The following SP140 variants were observed in gnomAD, a reference collection of about 807,000 sequenced individuals.
SP140 encodes the protein SP140 nuclear body protein, also known as nuclear body protein SP140.
In SP140, 81 loss-of-function variants were observed where a neutral mutation model predicts 125.0. The observed-to-expected ratio is 0.65, with a 90% CI of 0.54 to 0.78. The LOEUF (loss-of-function observed/expected upper bound fraction) is 0.78. Ranked by LOEUF, SP140 falls within the 30% of genes least tolerant of loss-of-function variation. The pLI, the probability that SP140 is intolerant of heterozygous loss-of-function variation, is 0.00. For missense variants in SP140, 858 were observed against 1,037.0 expected (o/e 0.83, Z 2.37); for synonymous variants, 312 against 354.0 (o/e 0.88, Z 1.33).
intron 1 of SP140, among the ~76,000 whole-genome samples, chr2:230,203,955 C>A (rs1424743463): frequency 6.6e-6 from 1 of 152,020 alleles, no homozygotes; most frequent in African/African-American, 2.4e-5. Context: ...ATTTTAATAC[C>A]ATTGAGCTAT....
At chr2:230,253,532 T>C in intron 11 of SP140, 115 bp downstream of exon 11, 1 of 746,544 alleles carries the variant, frequency 1.3e-6, no homozygotes, top group South Asian at 1.7e-5. Context: ...TTCGCATACA[T>C]ACAGATGGAA....
intron 1 of SP140, among the ~76,000 whole-genome samples, chr2:230,227,381 C>T (rs1487501009): frequency 6.6e-6 from 1 of 152,112 alleles, no homozygotes; most frequent in Non-Finnish European, 1.5e-5. Flanking sequence ...TCCAGCCAGC[C>T]CATGGTCACC....
chr2:230,308,254 G>T (rs1187520174), intron 22 of SP140, among the ~76,000 whole-genome samples: 1 of 151,902 alleles, frequency 6.6e-6, no homozygotes, highest in Admixed American at 6.6e-5. Context: ...GTGGAGGAGG[G>T]TGAGGGATAA....
the SP140 span, among the ~76,000 whole-genome samples, chr2:230,191,356 T>G: frequency 6.6e-6 from 1 of 152,130 alleles, no homozygotes; most frequent in East Asian, 1.9e-4. Flanking sequence ...CAGGAGCTGG[T>G]TTTTTGAAAA....
intron 3 of SP140, chr2:230,239,130 C>G: frequency 9.8e-7 from 1 of 1,019,454 alleles, no homozygotes; most frequent in Non-Finnish European, 1.3e-6. Flanking sequence ...GAATACTATA[C>G]CTTGATTCAA....
Position 230,211,616 on chromosome 2 carries a change from A to C in SP140, c.-322-2038A>C. 1.0e-6 allele frequency: 1 copy of C among 971,626 alleles called. No homozygotes were observed. The highest frequency in any genetic ancestry group is 1.3e-5 in the South Asian group (1 of 78,096). 60.2% of individuals were successfully genotyped at this position (971,626 alleles called of 1,614,324 possible). Reference sequence around the variant, plus strand: ...AGCAAGCAGGGACCAGAATGAGGAGAAAAGAGAATGCTCTATTCCAACAAG... The same window carrying C: ...AGCAAGCAGGGACCAGAATGAGGAGCAAAGAGAATGCTCTATTCCAACAAG... On this transcript the variant is annotated intron_variant, in intron 1 of 4. Coordinates refer to the SP140 transcript ENST00000456542. The surrounding 1 kb of genome is among the most constrained non-coding windows in gnomAD (Gnocchi z 4.2).
chr2:230,203,683 A>G (rs183699154), intron 1 of SP140: 4 of 152,352 alleles, frequency 2.6e-5, no homozygotes, highest in African/African-American at 9.6e-5. Flanking sequence ...TACAGAAAAT[A>G]TGAGAGTGTG....
intron 12 of SP140, among the ~76,000 whole-genome samples, chr2:230,259,721 A>G (rs2051867867): frequency 6.9e-6 from 1 of 145,894 alleles, no homozygotes; most frequent in Non-Finnish European, 1.5e-5. Context: ...CATCCAGGTC[A>G]CTGCAAATGC....
At chr2:230,308,572 C>T (rs1377254972) in intron 22 of SP140, among the ~76,000 whole-genome samples, 1 of 152,226 alleles carries the variant, frequency 6.6e-6, no homozygotes, top group Non-Finnish European at 1.5e-5. Context: ...CCACGCCACG[C>T]AGGGCCACAT....
Position 230,311,065 on chromosome 2 carries a change from A to G in SP140, c.2284-89A>G. 1.9e-6 allele frequency: 3 copies of G among 1,601,006 alleles called. No homozygotes were observed. In the South Asian group the frequency reaches 3.4e-5, roughly 18 times the overall value. ...CCACACATGTTAGAGAAACTTGAGG[A>G]AGAAGGGTGTGAGTTCTGTGCTGTG... On this transcript the variant is annotated intron_variant, in intron 24 of 26. Coordinates refer to ENST00000392045, the MANE Select transcript of SP140 (RefSeq NM_007237.5).
intron 20 of SP140, among the ~76,000 whole-genome samples, chr2:230,293,365 C>A (rs2057344696): frequency 6.6e-6 from 1 of 152,172 alleles, no homozygotes; most frequent in South Asian, 2.1e-4. Flanking sequence ...AGGAGACAGT[C>A]TCACTCTGTT....
At chr2:230,263,594 G>A (rs898320435) in intron 12 of SP140, among the ~76,000 whole-genome samples, 3 of 152,204 alleles carry the variant, frequency 2.0e-5, no homozygotes, top group Admixed American at 1.3e-4. Flanking sequence ...AAGAGGTTCC[G>A]TTTTGATGTG....
intron 12 of SP140, 108 bp from the exon 13 acceptor site, chr2:230,269,415 TCCAGAGAAC>T: frequency 1.4e-6 from 1 of 703,114 alleles, no homozygotes; most frequent in African/African-American, 1.8e-5. Context: ...TATATTTTTT[TCCAGAGAAC>T]AGTTCATCTT....
At chr2:230,202,905 G>A (rs914655204), upstream of SP140, 13 of 650,766 alleles carry the variant, frequency 2.0e-5, no homozygotes, top group Non-Finnish European at 3.3e-5. Flanking sequence ...CTTCTTATGT[G>A]TACCTTTCTT....
At chr2:230,248,164 C>T in intron 8 of SP140, 99 bp downstream of exon 8, 7 of 1,140,522 alleles carry the variant, frequency 6.1e-6, no homozygotes, top group Non-Finnish European at 9.0e-6. Context: ...CAGTCTCTAT[C>T]AGATTACTGG....
intron 3 of SP140, chr2:230,216,932 T>C: frequency 1.9e-6 from 3 of 1,612,938 alleles, no homozygotes; most frequent in East Asian, 2.2e-5. Flanking sequence ...GAACATCCTA[T>C]GGAAAGAGGC....
chr2:230,240,944 A>G (rs953995011), intron 3 of SP140, among the ~76,000 whole-genome samples: 2 of 152,234 alleles, frequency 1.3e-5, no homozygotes, highest in African/African-American at 4.8e-5. Context: ...TGACTAATTT[A>G]TAGAGTATAA....
chr2:230,202,867 C>T (rs1359034405), upstream of SP140: 2 of 793,942 alleles, frequency 2.5e-6, no homozygotes, highest in Non-Finnish European at 4.4e-6. Context: ...TCACTTTTCT[C>T]CTCCTACTTC....
At position 230,312,662 on chromosome 2, in the gene SP140, A is replaced by G; in HGVS notation, c.2582A>G (p.Gln861Arg). ...EKNFKEVFAI[Q>R]ETNGNN ...AATTTCAAGGAAGTGTTTGCTATTC[A>G]GGAAACAAATGGGAACAATTGACTG... The change falls in exon 27 of 27, where the codon CAG becomes CGG. Residue 861 changes from glutamine to arginine, a missense_variant. Around this residue, in one of 4 missense-constraint regions of SP140, gnomAD observed 43 missense variants for 35.1 expected, o/e 1.23. Coordinates refer to ENST00000392045, the MANE Select transcript of SP140 (RefSeq NM_007237.5). 6.2e-7 allele frequency: 1 copy of G among 1,612,010 alleles called. No homozygotes were observed. The highest frequency in any genetic ancestry group is 2.2e-5 in the East Asian group (1 of 44,842).
Sources: allele counts gnomAD v4.1 joint callset (sites outside exome capture counted in the v4.1 genomes callset), GRCh38; gene constraint gnomAD v4.1.1; regional missense constraint gnomAD v4.1.1; non-coding constraint Gnocchi (gnomAD v3.1); transcripts MANE v1.5; gene names NCBI Gene and HGNC (gene_info 2026-07-23, HGNC 2026-07-21).